Variants in NFYA observed in about 807,000 individuals in gnomAD.
NFYA encodes the protein nuclear transcription factor Y subunit alpha.
In NFYA, 28 loss-of-function variants were observed where a neutral mutation model predicts 52.8. That is an observed-to-expected ratio of 0.53 (90% CI 0.39 to 0.73). NFYA has a LOEUF of 0.73. NFYA is among the 30% of genes least tolerant of loss of function. The pLI is 0.00. For synonymous variants in NFYA, 150 were observed against 150.7 expected (o/e 1.00, Z 0.03); for missense variants, 234 against 427.0 (o/e 0.55, Z 3.98).
rs773276999 is a variant in NFYA at position 41,094,482 on chromosome 6, T to C, written c.975T>C (p.Asp325=). ...GGRFFSPKEK[D]SPHMQDPNQA... ...GATTTTTCTCTCCAAAGGAAAAGGA[T>C]AGTCCCCATATGCAGGTAGGAAGAC... The change falls in exon 9 of 10, where the codon GAT becomes GAC. Residue 325 remains aspartate, a synonymous_variant. Transcript: ENST00000341376. 1.9e-6 allele frequency: 3 copies of C among 1,613,904 alleles called. No homozygotes were observed. The highest frequency in any genetic ancestry group is 1.7e-6 in the Non-Finnish European group (2 of 1,179,720).
At chr6:41,091,812 C>T (rs1277741252) in intron 7 of NFYA, 118 bp downstream of exon 7, 21 of 1,084,992 alleles carry the variant, frequency 1.9e-5, no homozygotes, top group African/African-American at 4.8e-5. Flanking sequence ...AAGGCACTGT[C>T]GGTAATCTAC....
chr6:41,094,622 C>A, intron 9 of NFYA, 125 bp downstream of exon 9: 1 of 657,086 alleles, frequency 1.5e-6, no homozygotes, highest in South Asian at 1.8e-5. Flanking sequence ...AAACTGGATG[C>A]AATCTTATGT....
Position 41,084,072 on chromosome 6 carries a change from G to C in NFYA, c.189G>C (p.Gln63His). 1.2e-6 allele frequency: 2 copies of C among 1,613,434 alleles called. No individual in the cohort carries two copies. The highest frequency in any genetic ancestry group is 1.7e-6 in the Non-Finnish European group (2 of 1,179,720). Residue 63 changes from glutamine (Q) to histidine (H), a missense_variant, in exon 4 of 10, where the codon CAG (glutamine) becomes CAC (histidine). By Grantham distance (24) the Gln-to-His change is conservative. Coordinates refer to ENST00000341376, the MANE Select transcript of NFYA (RefSeq NM_002505.5). Reference sequence around the variant, plus strand: ...TCCAAGGGCAGCCATTAATGGTGCAGGTCAGTGGAGGCCAGCTAATCACAT... The same window carrying C: ...TCCAAGGGCAGCCATTAATGGTGCACGTCAGTGGAGGCCAGCTAATCACAT... ...QVVQGQPLMVQVSGGQLITST... is the reference protein window; with the variant it reads ...QVVQGQPLMVHVSGGQLITST...
chr6:41,081,649 A>G lies in NFYA; in HGVS notation c.162+752A>G, dbSNP rs567251221. On this transcript the variant is annotated intron_variant, in intron 3 of 9. Transcript: ENST00000341376. ...GTGCTTTATTTTTATTCAAGGGGCA[A>G]CTCAACTGAAAAATAATCATTGCAC... Among the ~76,000 whole-genome samples the G allele has an allele frequency of 3.3e-5, 5 of 152,324 alleles. No homozygotes were observed. The South Asian group carries it at 1.0e-3, about 32-fold the overall frequency.
chr6:41,084,042 C>T lies in NFYA; in HGVS notation c.163-4C>T, dbSNP rs1318110201. On this transcript the variant is annotated splice_polypyrimidine_tract_variant and splice_region_variant and intron_variant, in intron 3 of 9. Transcript: ENST00000341376. ...TTCATTGTTCTTATTTTATTTCATT[C>T]TAGGTCCAAGGGCAGCCATTAATGG... 1 of 1,586,794 alleles carries T rather than the reference C, an allele frequency of 6.3e-7. No individual in the cohort carries two copies. The highest frequency in any genetic ancestry group is 8.6e-7 in the Non-Finnish European group (1 of 1,168,754).
intron 8 of NFYA, among the ~76,000 whole-genome samples, chr6:41,093,432 T>C (rs1276184354): frequency 1.3e-5 from 2 of 151,994 alleles, no homozygotes; most frequent in Non-Finnish European, 2.9e-5. Flanking sequence ...CTGCTTAGGC[T>C]CCAGCCTAGG....
chr6:41,080,480 C>A (rs891114622), intron 2 of NFYA, among the ~76,000 whole-genome samples: 1 of 152,010 alleles, frequency 6.6e-6, no homozygotes, highest in African/African-American at 2.4e-5. Flanking sequence ...GTGAACTCAT[C>A]TGAGGAGATA....
intron 3 of NFYA, among the ~76,000 whole-genome samples, chr6:41,081,701 T>G (rs1763912208): frequency 6.7e-6 from 1 of 150,374 alleles, no homozygotes. Context: ...AAGCACTGAA[T>G]CTTGTTAATC....
At position 41,101,293 on chromosome 6, in the gene NFYA, A is replaced by C. The variant is rs1043746024; in HGVS notation, c.*3883A>C. ...TACAGGCCTAGCCTCCCGCGAGCTA[A>C]GGCACAGTTTAACTTCGTGCTGCGG... On this transcript the variant is annotated 3_prime_UTR_variant, in exon 10 of 10. Coordinates refer to ENST00000341376, the MANE Select transcript of NFYA (RefSeq NM_002505.5). 3.9e-5 allele frequency: 6 copies of C among 152,252 alleles called. No homozygotes were observed. Among genetic ancestry groups the C allele is most frequent in the Non-Finnish European group, 8.8e-5 (6 of 68,042 alleles). 9.4% of individuals were successfully genotyped at this position (152,252 alleles called of 1,614,324 possible).
chr6:41,093,206 T>G lies in NFYA; in HGVS notation c.888+121T>G, dbSNP rs1012964290. The G allele has an allele frequency of 2.0e-5, 17 of 832,370 alleles. No homozygotes were observed. The African/African-American group carries it at 2.9e-4, about 14-fold the overall frequency. The allele number at this position is 832,370 out of a possible 1,614,324, so 51.6% of individuals were successfully genotyped here. A position where few individuals can be genotyped will look rare whatever the true frequency, so the allele number is the denominator to read the frequency against. On this transcript the variant is annotated intron_variant, in intron 8 of 9. Coordinates refer to ENST00000341376, the MANE Select transcript of NFYA (RefSeq NM_002505.5). ...CAAACAATTGACGTTAGATACTTGT[T>G]GTCTCTTTTGTAAGAGTTAGCATTT...
rs1187526060 is a variant in NFYA, at chr6:41,101,747, G to T, written c.*4337G>T. 1.3e-5 allele frequency among the ~76,000 whole-genome samples: 2 copies of T among 152,182 alleles called. No homozygotes were observed. The highest frequency in any genetic ancestry group is 4.8e-5 in the African/African-American group (2 of 41,450). On this transcript the variant is annotated 3_prime_UTR_variant, in exon 10 of 10. Transcript: ENST00000341376. ...TTTCCCATAGCTAGGCAGCCTAAGA[G>T]AGTAGGGGAAAGAGCTGGCTCCAGA...
At chr6:41,090,988 C>A (rs929381292) in intron 6 of NFYA, among the ~76,000 whole-genome samples, 1 of 152,200 alleles carries the variant, frequency 6.6e-6, no homozygotes, top group African/African-American at 2.4e-5. Flanking sequence ...TAACTGTGTG[C>A]TCTTGTATTA....
At chr6:41,095,788 C>T (rs1329467165) in intron 9 of NFYA, among the ~76,000 whole-genome samples, 2 of 152,154 alleles carry the variant, frequency 1.3e-5, no homozygotes, top group African/African-American at 4.8e-5. Context: ...TTGTTTCCTT[C>T]ACTAGACTGT....
chr6:41,073,777 TCC>T (rs1419327777), intron 1 of NFYA, among the ~76,000 whole-genome samples: 5 of 151,858 alleles, frequency 3.3e-5, no homozygotes, highest in Non-Finnish European at 7.4e-5. Context: ...CTCCCCCTGC[TCC>T]GCCGCGCCCC....
intron 9 of NFYA, among the ~76,000 whole-genome samples, chr6:41,094,862 C>T (rs1345207837): frequency 1.3e-5 from 2 of 152,200 alleles, no homozygotes; most frequent in Non-Finnish European, 2.9e-5. Context: ...GTCTTTGTCA[C>T]TTATTACTAT....
At chr6:41,078,591 T>C (rs1274286516) in intron 1 of NFYA, among the ~76,000 whole-genome samples, 1 of 152,248 alleles carries the variant, frequency 6.6e-6, no homozygotes, top group Non-Finnish European at 1.5e-5. Context: ...TCTTAAAGTC[T>C]ATGAGAAGGG....
intron 9 of NFYA, 39 bp downstream of exon 9, chr6:41,094,536 C>A (rs1330590266): frequency 1.3e-6 from 2 of 1,507,142 alleles, no homozygotes; most frequent in South Asian, 1.1e-5. Flanking sequence ...TCTTTATTAC[C>A]TTGTATTGAC....
At chr6:41,073,682 G>A (rs756041602) in intron 1 of NFYA, among the ~76,000 whole-genome samples, 13 of 151,986 alleles carry the variant, frequency 8.6e-5, no homozygotes, top group Non-Finnish European at 1.6e-4. Flanking sequence ...GGCTGGCAAC[G>A]GGGCTGGCCC....
chr6:41,079,262 T>C, intron 2 of NFYA, 98 bp downstream of exon 2: 1 of 1,140,546 alleles, frequency 8.8e-7, no homozygotes. Context: ...ATTTGAAAGA[T>C]ACCAGATCTT....
Sources: allele counts gnomAD v4.1 joint callset (sites outside exome capture counted in the v4.1 genomes callset), GRCh38; gene constraint gnomAD v4.1.1; transcripts MANE v1.5; gene names NCBI Gene and HGNC (gene_info 2026-07-23, HGNC 2026-07-21).